The following CDK14 variants were observed in gnomAD, a reference collection of about 807,000 sequenced individuals.
CDK14 encodes the protein cyclin-dependent kinase 14.
In CDK14, 34 loss-of-function variants were observed where a neutral mutation model predicts 60.7. The ratio of observed to expected loss-of-function variants is 0.56; its 90% CI spans 0.43 to 0.75. The LOEUF (loss-of-function observed/expected upper bound fraction) is 0.75, where lower values mean the gene tolerates loss of function less well. Ranked by LOEUF, CDK14 falls within the 30% of genes least tolerant of loss-of-function variation. The pLI, the probability that CDK14 is intolerant of heterozygous loss-of-function variation, is 0.00. For synonymous variants in CDK14, 197 were observed against 203.7 expected (o/e 0.97, Z 0.28); for missense variants, 482 against 564.1 (o/e 0.85, Z 1.47).
chr7:90,896,044 A>G (rs1792327114), intron 6 of CDK14, among the ~76,000 whole-genome samples: 1 of 151,938 alleles, frequency 6.6e-6, no homozygotes, highest in South Asian at 2.1e-4. Context: ...AATGTCTGCT[A>G]TTAACTGCAT....
intron 14 of CDK14, among the ~76,000 whole-genome samples, chr7:91,194,201 A>G (rs1802460970): frequency 6.6e-6 from 1 of 152,228 alleles, no homozygotes. Flanking sequence ...AAATCCAAGC[A>G]TGAGTATTTT....
chr7:90,923,330 C>T (rs1173548442), intron 8 of CDK14, among the ~76,000 whole-genome samples: 3 of 152,068 alleles, frequency 2.0e-5, no homozygotes, highest in Admixed American at 1.3e-4. Flanking sequence ...AGAATGGTCT[C>T]GATCTCCTGA....
intron 6 of CDK14, among the ~76,000 whole-genome samples, chr7:90,871,424 A>G (rs545742388): frequency 9.2e-5 from 14 of 152,178 alleles, no homozygotes; most frequent in Non-Finnish European, 1.3e-4. Flanking sequence ...TAAGATGCCA[A>G]AATTATTCAG....
chr7:91,033,859 A>G (rs35471028), intron 10 of CDK14, among the ~76,000 whole-genome samples: 16,586 of 152,250 alleles, frequency 0.11, 1,122 homozygotes, highest in Non-Finnish European at 0.15. Flanking sequence ...ACTCAGTCTG[A>G]AAAGAGAGAA....
intron 9 of CDK14, among the ~76,000 whole-genome samples, chr7:90,961,804 T>C (rs147263866): frequency 0.011 from 1,659 of 152,324 alleles, 14 homozygotes; most frequent in Non-Finnish European, 0.018. Flanking sequence ...ACTACGGAAG[T>C]CCCTTAAAAT....
At chr7:90,652,845 C>T (rs1475086163) in intron 2 of CDK14, among the ~76,000 whole-genome samples, 6 of 152,160 alleles carry the variant, frequency 3.9e-5, no homozygotes, top group Non-Finnish European at 7.3e-5. Flanking sequence ...GGATTTAAAC[C>T]TTAGGTTGGC....
chr7:90,863,491 C>G (rs992896100), intron 6 of CDK14, among the ~76,000 whole-genome samples: 1 of 152,062 alleles, frequency 6.6e-6, no homozygotes, highest in Non-Finnish European at 1.5e-5. Context: ...GAATTTTTAT[C>G]AGATATGTTA....
chr7:90,616,271 C>T (rs961100455), intron 2 of CDK14, among the ~76,000 whole-genome samples: 12 of 151,992 alleles, frequency 7.9e-5, no homozygotes, highest in Non-Finnish European at 1.6e-4. Context: ...CTTATGGTTA[C>T]TTTTGATTTT....
Position 91,076,242 on chromosome 7 carries a change from C to CAAAAAAAAAAAAAAAAAAAAAA in CDK14, c.1106-3177_1106-3156dup, listed in dbSNP as rs564729987. On this transcript the variant is annotated intron_variant, in intron 11 of 14. Transcript: ENST00000380050. ...AACTATACTACAGTGCTACAGTAAC[C>CAAAAAAAAAAAAAAAAAAAAAA]AAAAAAAAAAAAAAAAAAAAAAAAA... Among the ~76,000 whole-genome samples the CAAAAAAAAAAAAAAAAAAAAAA allele has an allele frequency of 1.7e-4, 5 of 28,758 alleles. 1 individual carries two copies. Among genetic ancestry groups the CAAAAAAAAAAAAAAAAAAAAAA allele is most frequent in the Admixed American group, 6.8e-4 (1 of 1,476 alleles). 18.9% of individuals were successfully genotyped at this position (28,758 alleles called of 152,430 possible). A position where few individuals can be genotyped will look rare whatever the true frequency, so the allele number is the denominator to read the frequency against.
chr7:90,899,324 C>G lies in CDK14; in HGVS notation c.673C>G (p.Pro225Ala). 1 of 1,601,548 alleles carries G rather than the reference C, an allele frequency of 6.2e-7. No homozygotes were observed. Among genetic ancestry groups the G allele is most frequent in the Non-Finnish European group, 8.5e-7 (1 of 1,174,756 alleles). ...TDLCQYMDKH[P>A]GGLHPDNVKL... is the part of the protein sequence containing the mutation. ...TTTATGTCAGTACATGGACAAGCAC[C>G]CTGGGGGGCTGCATCCAGATAATGT... The change falls in exon 7 of 15, where the codon CCT (proline) becomes GCT (alanine). Residue 225 changes from proline to alanine, a missense_variant. Coordinates refer to ENST00000380050, the MANE Select transcript of CDK14 (RefSeq NM_001287135.2).
chr7:90,721,311 ATATTG>A (rs1271798760), intron 2 of CDK14, among the ~76,000 whole-genome samples: 2 of 152,074 alleles, frequency 1.3e-5, no homozygotes, highest in Admixed American at 6.6e-5. Flanking sequence ...AAAATCAACC[ATATTG>A]TATTATATTC....
intron 7 of CDK14, among the ~76,000 whole-genome samples, chr7:90,902,497 C>G (rs944724834): frequency 6.6e-6 from 1 of 152,078 alleles, no homozygotes; most frequent in Non-Finnish European, 1.5e-5. Context: ...CAAGGACATA[C>G]TTTGGGGAAA....
intron 14 of CDK14, among the ~76,000 whole-genome samples, chr7:91,155,221 C>T (rs1232371991): frequency 6.6e-5 from 10 of 152,138 alleles, no homozygotes; most frequent in Admixed American, 5.9e-4. Flanking sequence ...GAGAAGATGC[C>T]ATTGCAGAGG....
chr7:90,724,600 T>C (rs1284959446), intron 2 of CDK14, among the ~76,000 whole-genome samples: 1 of 152,050 alleles, frequency 6.6e-6, no homozygotes, highest in Non-Finnish European at 1.5e-5. Flanking sequence ...AGTACTACTT[T>C]AGCTGAATCT....
intron 2 of CDK14, among the ~76,000 whole-genome samples, chr7:90,712,965 G>A (rs1324042537): frequency 6.6e-6 from 1 of 150,414 alleles, no homozygotes; most frequent in Non-Finnish European, 1.5e-5. Flanking sequence ...CAACGTGAGA[G>A]GGAAACTCAG....
At chr7:91,043,528 A>G (rs1797147350) in intron 10 of CDK14, among the ~76,000 whole-genome samples, 1 of 152,226 alleles carries the variant, frequency 6.6e-6, no homozygotes, top group Admixed American at 6.5e-5. Flanking sequence ...TCTTGAAATA[A>G]TGGTTGGAAT....
chr7:91,114,195 T>G (rs1454496486), intron 13 of CDK14, among the ~76,000 whole-genome samples: 1 of 152,188 alleles, frequency 6.6e-6, no homozygotes, highest in Non-Finnish European at 1.5e-5. Flanking sequence ...CCATCTGACT[T>G]GAAGATTGAG....
chr7:91,182,722 A>C (rs1365331283), intron 14 of CDK14, among the ~76,000 whole-genome samples: 6 of 152,166 alleles, frequency 3.9e-5, no homozygotes, highest in Non-Finnish European at 8.8e-5. Context: ...TGCTTCCTTT[A>C]AGGACAGCTG....
chr7:91,183,916 C>T (rs536937427), intron 14 of CDK14, among the ~76,000 whole-genome samples: 1 of 152,084 alleles, frequency 6.6e-6, no homozygotes, highest in African/African-American at 2.4e-5. Flanking sequence ...GGTTCTTGGC[C>T]CAGTGTGTTG....
Sources: gnomAD v4.1 joint callset for allele counts (sites outside exome capture counted in the v4.1 genomes callset) on GRCh38, gnomAD v4.1.1 for gene constraint, MANE v1.5 for transcripts, NCBI Gene and HGNC (gene_info 2026-07-23, HGNC 2026-07-21) for gene names.